Variants in F8 observed in about 807,000 individuals in gnomAD.
The protein encoded by F8 is coagulation factor VIII.
In F8, 12 loss-of-function variants were observed where a neutral mutation model predicts 140.6. The ratio of observed to expected loss-of-function variants is 0.09; its 90% CI spans 0.05 to 0.14. The LOEUF (loss-of-function observed/expected upper bound fraction) is 0.14, where lower values mean the gene tolerates loss of function less well. F8 is among the 10% of genes least tolerant of loss of function. F8 has a pLI of 1.00. For synonymous variants in F8, 585 were observed against 614.6 expected (o/e 0.95, Z 0.71); for missense variants, 1,354 against 1,720.7 (o/e 0.79, Z 3.77).
intron 22 of F8, among the ~76,000 whole-genome samples, chrX:154,870,717 C>A (rs1416040763): frequency 9.0e-6 from 1 of 110,856 alleles, no homozygotes; most frequent in Non-Finnish European, 1.9e-5. Context: ...CAAGAGAAAG[C>A]AATAAAGGGT....
At chrX:154,956,188 C>G (rs969265494) in intron 11 of F8, among the ~76,000 whole-genome samples, 9 of 112,056 alleles carry the variant, frequency 8.0e-5, no homozygotes, top group Admixed American at 3.8e-4. Context: ...CTCCCTTGTT[C>G]CCTGGAAATC....
intron 1 of F8, among the ~76,000 whole-genome samples, chrX:155,017,109 G>A (rs980249814): frequency 2.7e-5 from 3 of 112,675 alleles, no homozygotes; most frequent in Admixed American, 1.9e-4. Context: ...AGATATGCAC[G>A]GAAAATTGAA....
rs1386452177 is a variant in F8 at position 154,975,911 on chromosome X, T to C, written c.788-6359A>G. On this transcript the variant is annotated intron_variant, in intron 6 of 25. Transcript: ENST00000360256. ...ATATAATGGCCTTGTTTGTCAATTT[T>C]TTTTTGACAGATTCTCGCTGTGTGC... Among the ~76,000 whole-genome samples the C allele has an allele frequency of 2.7e-5, 3 of 112,152 alleles. No homozygotes were observed. The Admixed American group carries it at 2.8e-4, about 11-fold the overall frequency.
At chrX:154,948,673 T>C (rs1011533726) in intron 12 of F8, among the ~76,000 whole-genome samples, 3 of 111,946 alleles carry the variant, frequency 2.7e-5, no homozygotes, top group Non-Finnish European at 5.6e-5. Flanking sequence ...ACATTGGCCT[T>C]AGTCTATGAA....
intron 2 of F8, among the ~76,000 whole-genome samples, 189 bp from the exon 3 acceptor site, chrX:154,997,284 C>T (rs1004690995): frequency 1.8e-5 from 2 of 112,373 alleles, no homozygotes; most frequent in Non-Finnish European, 3.8e-5. Context: ...TTCTGGCAAT[C>T]ATTCAATTCA....
chrX:154,973,557 C>A (rs1242587451), intron 6 of F8, among the ~76,000 whole-genome samples: 1 of 111,556 alleles, frequency 9.0e-6, no homozygotes, highest in Non-Finnish European at 1.9e-5. Flanking sequence ...CTTTCACTTC[C>A]TTGGTTAATT....
chrX:154,984,074 T>A, intron 6 of F8, among the ~76,000 whole-genome samples: 1 of 111,326 alleles, frequency 9.0e-6, no homozygotes. Context: ...GTCATGGATG[T>A]GGAAGTCTGA....
chrX:154,942,887 C>A (rs1274818845), intron 13 of F8, among the ~76,000 whole-genome samples: 1 of 107,156 alleles, frequency 9.3e-6, no homozygotes, highest in Non-Finnish European at 1.9e-5. Context: ...AAATGTAATC[C>A]AGCATATAAA....
chrX:154,951,252 AC>A (rs2073336167), intron 12 of F8, among the ~76,000 whole-genome samples: 1 of 112,038 alleles, frequency 8.9e-6, no homozygotes, highest in South Asian at 3.7e-4. Context: ...CATAAATCCT[AC>A]AATTTTTTAA....
chrX:154,982,190 T>A (rs1336354809), intron 6 of F8, among the ~76,000 whole-genome samples: 113 of 64,921 alleles, frequency 1.7e-3, no homozygotes, highest in Non-Finnish European at 2.6e-3. Context: ...TCTCAAAAAA[T>A]ATATATATAT....
At chrX:154,901,819 A>AT (rs1231400740) in intron 19 of F8, among the ~76,000 whole-genome samples, 115 of 107,723 alleles carry the variant, frequency 1.1e-3, no homozygotes, top group East Asian at 3.5e-3. Context: ...ATGAGGTGGT[A>AT]TTTTTTTTTT....
chrX:154,982,216 G>A (rs1240998240), intron 6 of F8, among the ~76,000 whole-genome samples: 4 of 105,485 alleles, frequency 3.8e-5, no homozygotes, highest in Admixed American at 1.0e-4. Context: ...GGGAGGCCAA[G>A]GCGGGTGGAT....
chrX:154,935,069 G>A (rs782591631), intron 13 of F8, among the ~76,000 whole-genome samples: 52 of 110,672 alleles, frequency 4.7e-4, no homozygotes, highest in African/African-American at 1.5e-3. Context: ...GGCTGAGGTG[G>A]GAGGATTGCT....
chrX:154,870,925 C>A (rs1430841847), intron 22 of F8, among the ~76,000 whole-genome samples: 2 of 111,729 alleles, frequency 1.8e-5, no homozygotes, highest in African/African-American at 6.5e-5. Flanking sequence ...AGAGCCAAAT[C>A]ATGAGTGAAC....
At chrX:154,872,628 C>T (rs1603431924) in intron 22 of F8, among the ~76,000 whole-genome samples, 1 of 110,859 alleles carries the variant, frequency 9.0e-6, no homozygotes, top group Non-Finnish European at 1.9e-5. Context: ...AGCAAACCAC[C>T]AGGGCACGTG....
chrX:155,022,538 G>A lies in F8; in HGVS notation c.15C>T (p.Leu5=). ...AAAGGCACAGAAAGAAGCAGGTGGAGAGCTCTATTTGCATGACTTATTGCT... is the reference window on the plus strand; with the variant it reads ...AAAGGCACAGAAAGAAGCAGGTGGAAAGCTCTATTTGCATGACTTATTGCT... MQIE[L]STCFFLCLLR... The change falls in exon 1 of 26, where the codon CTC becomes CTT. Residue 5 remains leucine (L), a synonymous_variant. Transcript: ENST00000360256. 1 of 1,211,962 alleles carries A rather than the reference G, an allele frequency of 8.3e-7. No homozygotes were observed. Among genetic ancestry groups the A allele is most frequent in the Non-Finnish European group, 1.1e-6 (1 of 895,472 alleles).
intron 1 of F8, among the ~76,000 whole-genome samples, chrX:155,009,081 ATT>A (rs781938309): frequency 5.1e-5 from 5 of 98,038 alleles, no homozygotes; most frequent in Non-Finnish European, 4.2e-5. Context: ...AGTAACATTA[ATT>A]TTTTTTTTTT....
intron 3 of F8, among the ~76,000 whole-genome samples, chrX:154,993,721 C>T (rs782675756): frequency 3.0e-4 from 34 of 112,076 alleles, no homozygotes; most frequent in Non-Finnish European, 5.8e-4. Context: ...TCCATTATTG[C>T]ATCTTTTTGC....
At chrX:155,022,329 C>T (rs966512565) in intron 1 of F8, 81 bp downstream of exon 1, 1 of 1,042,428 alleles carries the variant, frequency 9.6e-7, no homozygotes, top group African/African-American at 1.9e-5. Context: ...CCATCCTAAC[C>T]CGATGTCTGC....
Sources: allele counts gnomAD v4.1 joint callset (sites outside exome capture counted in the v4.1 genomes callset), GRCh38; gene constraint gnomAD v4.1.1; transcripts MANE v1.5; gene names NCBI Gene and HGNC (gene_info 2026-07-23, HGNC 2026-07-21).